Variants in DOCK9 observed in about 807,000 individuals in gnomAD.
DOCK9 encodes the protein dedicator of cytokinesis 9, also known as dedicator of cytokinesis protein 9.
A neutral mutation model predicts 263.3 loss-of-function variants in DOCK9; 89 were observed. That is an observed-to-expected ratio of 0.34 (90% confidence interval 0.28 to 0.40). The LOEUF is 0.40. DOCK9 is among the 10% of genes least tolerant of loss of function. DOCK9 has a pLI of 1.00. For missense variants in DOCK9, 2,140 were observed against 2,603.4 expected, an observed-to-expected ratio of 0.82 and a Z score of 3.87; for synonymous variants, 976 against 973.1, an observed-to-expected ratio of 1.00 and a Z score of -0.06.
At chr13:99,037,331 C>A (rs1324980) in intron 1 of DOCK9, among the ~76,000 whole-genome samples, 74,976 of 151,360 alleles carry the variant, frequency 0.5, 18,773 homozygotes, top group East Asian at 0.65. Flanking sequence ...AACATTTCGC[C>A]AAAAAAAATA....
intron 2 of DOCK9, among the ~76,000 whole-genome samples, chr13:98,937,019 AC>A (rs2054960981): frequency 6.6e-6 from 1 of 152,148 alleles, no homozygotes; most frequent in African/African-American, 2.4e-5. Context: ...ATTCTTTTCT[AC>A]TTTTCTATCA....
rs1246362399 is a variant in DOCK9, at chr13:98,855,991, C to T, written c.3738G>A (p.Val1246=). ...YTTSTPNINS[V]RNADSRGSLI... ...GAGATCCTCTCGAATCAGCATTTCT[C>T]ACACTGTTGATGTTTGGAGTTGAGG... Residue 1246 remains valine (V), a synonymous_variant, in exon 34 of 53, where the codon GTG becomes GTA. Transcript: ENST00000682017. 5 of 1,613,842 alleles carry T rather than the reference C, an allele frequency of 3.1e-6. No individual in the cohort carries two copies. In the South Asian group the frequency reaches 5.5e-5, roughly 18 times the overall value.
chr13:99,075,860 C>T (rs551184568), intron 1 of DOCK9, among the ~76,000 whole-genome samples: 5 of 152,016 alleles, frequency 3.3e-5, no homozygotes, highest in Admixed American at 3.3e-4. Flanking sequence ...AATGGAGACC[C>T]TGGGTAGTTC....
chr13:98,803,278 G>A lies in DOCK9; in HGVS notation c.5725+1721C>T, dbSNP rs143487882. On this transcript the variant is annotated intron_variant, in intron 49 of 52. Coordinates refer to ENST00000682017, the MANE Select transcript of DOCK9 (RefSeq NM_001366683.2). ...GTAGTCTCTAACAAAATGATGACCT[G>A]TAACCCTGGAGAAATGTGCCCTGGG... 3.2e-3 allele frequency among the ~76,000 whole-genome samples: 485 copies of A among 152,320 alleles called. 3 individuals are homozygous for A. Among genetic ancestry groups the A allele is most frequent in the Middle Eastern group, 0.017 (5 of 294 alleles).
chr13:98,809,462 G>A lies in DOCK9; in HGVS notation c.5257C>T (p.Leu1753=), dbSNP rs1247858620. 1 of 1,595,654 alleles carries A rather than the reference G, an allele frequency of 6.3e-7. No individual in the cohort carries two copies. The highest frequency in any genetic ancestry group is 1.8e-5 in the Admixed American group (1 of 55,040). The part of the protein sequence containing the change: ...IYEKRRDFER[L]AHLYDTLHRA... ...TGCAGCGTGTCATACAGATGGGCCAGCCTCTGGAAAGCAGAACAAAGCCCA... is the reference window on the plus strand; with the variant it reads ...TGCAGCGTGTCATACAGATGGGCCAACCTCTGGAAAGCAGAACAAAGCCCA... Residue 1753 remains leucine, a synonymous_variant, in exon 47 of 53, where the codon CTG becomes TTG. Coordinates refer to ENST00000682017, the MANE Select transcript of DOCK9 (RefSeq NM_001366683.2).
intron 10 of DOCK9, among the ~76,000 whole-genome samples, chr13:98,903,505 C>T (rs1389530521): frequency 6.8e-6 from 1 of 147,568 alleles, no homozygotes; most frequent in Admixed American, 7.0e-5. Context: ...GAGGCTGAGG[C>T]AGGAGAATGG....
chr13:98,803,894 G>C (rs1242583169), intron 49 of DOCK9, among the ~76,000 whole-genome samples: 1 of 150,874 alleles, frequency 6.6e-6, no homozygotes, highest in African/African-American at 2.4e-5. Context: ...AGTGTGAAAA[G>C]CTCCCTGCAA....
At chr13:98,969,401 A>G (rs2059505369) in intron 1 of DOCK9, among the ~76,000 whole-genome samples, 1 of 152,002 alleles carries the variant, frequency 6.6e-6, no homozygotes, top group African/African-American at 2.4e-5. Flanking sequence ...CCCTTTCGCA[A>G]CCTTTTTTTG....
intron 1 of DOCK9, among the ~76,000 whole-genome samples, chr13:98,985,755 T>C (rs1447175379): frequency 6.6e-6 from 1 of 152,226 alleles, no homozygotes; most frequent in Non-Finnish European, 1.5e-5. Context: ...CTCAATCTTG[T>C]TTCGCGTGAT....
chr13:98,810,148 A>G, intron 46 of DOCK9, 21 bp downstream of exon 46: 1 of 1,613,794 alleles, frequency 6.2e-7, no homozygotes. Flanking sequence ...ATAGGAAAAA[A>G]ACAAAAAGGC....
At position 98,885,672 on chromosome 13, in the gene DOCK9, T is replaced by A. The variant is rs1254144058; in HGVS notation, c.2260+36A>T. On this transcript the variant is annotated intron_variant, in intron 20 of 52. Transcript: ENST00000682017. ...ACAATTTAAGAACCTAATGTTTCAATTATTTAAAATCAAAGGAATGGTAAG... is the reference window on the plus strand; with the variant it reads ...ACAATTTAAGAACCTAATGTTTCAAATATTTAAAATCAAAGGAATGGTAAG... The A allele has an allele frequency of 2.5e-6, 4 of 1,569,034 alleles. No individual in the cohort carries two copies. The East Asian group carries it at 9.0e-5, about 35-fold the overall frequency.
At chr13:98,946,161 G>A (rs575208418) in intron 2 of DOCK9, among the ~76,000 whole-genome samples, 1 of 152,302 alleles carries the variant, frequency 6.6e-6, no homozygotes, top group South Asian at 2.1e-4. Context: ...TTGGGCCACT[G>A]TAAGGCCTTT....
chr13:98,994,961 C>A (rs1880661123), intron 1 of DOCK9, among the ~76,000 whole-genome samples: 1 of 152,060 alleles, frequency 6.6e-6, no homozygotes. Context: ...GTGAAAAATT[C>A]TAAGTTCGTG....
Position 98,884,976 on chromosome 13 carries a change from C to T in DOCK9, c.2377G>A (p.Gly793Ser). The change falls in exon 21 of 53, where the codon GGC becomes AGC. Residue 793 changes from glycine to serine, a missense_variant. Physicochemically the swap from Gly to Ser is moderately conservative, Grantham distance 56. Around this residue, in one of 2 missense-constraint regions of DOCK9, gnomAD observed 1,521 missense variants for 1,741.7 expected, o/e 0.87. Transcript: ENST00000682017. ...GYLGYQELGMGRHYGPEIKWV... is the reference protein window; with the variant it reads ...GYLGYQELGMSRHYGPEIKWV... ...AATCTTAAAATGGGACATACCCTGC[C>T]CATCCCAAGCTCCTGGTAGCCAAGA... 1 of 1,613,122 alleles carries T rather than the reference C, an allele frequency of 6.2e-7. No homozygotes were observed. The highest frequency in any genetic ancestry group is 1.3e-5 in the African/African-American group (1 of 74,986).
intron 3 of DOCK9, among the ~76,000 whole-genome samples, chr13:98,928,979 T>G (rs1351770821): frequency 5.3e-5 from 8 of 152,128 alleles, no homozygotes; most frequent in African/African-American, 1.4e-4. Context: ...TTCAAAAATC[T>G]CAATGGAAAT....
intron 21 of DOCK9, 28 bp downstream of exon 21, chr13:98,884,943 G>A (rs775446312): frequency 6.9e-6 from 11 of 1,602,118 alleles, no homozygotes; most frequent in Non-Finnish European, 8.5e-6. Flanking sequence ...AAGAAATTGG[G>A]ATGACCCAAT....
intron 1 of DOCK9, among the ~76,000 whole-genome samples, chr13:99,023,309 G>T (rs1444882921): frequency 6.6e-6 from 1 of 152,220 alleles, no homozygotes; most frequent in Admixed American, 6.5e-5. Flanking sequence ...GCCTTAAAAT[G>T]CAAGAAATTT....
chr13:98,807,084 C>T (rs973214376), intron 48 of DOCK9, among the ~76,000 whole-genome samples: 7 of 152,154 alleles, frequency 4.6e-5, no homozygotes, highest in Non-Finnish European at 8.8e-5. Context: ...GAGACCTGAC[C>T]TCCTGGAGAT....
intron 15 of DOCK9, among the ~76,000 whole-genome samples, chr13:98,892,642 T>C (rs1314350907): frequency 6.6e-6 from 1 of 152,192 alleles, no homozygotes; most frequent in East Asian, 1.9e-4. Flanking sequence ...CTCAGGACCA[T>C]GGAGGAATGC....
Sources: allele counts gnomAD v4.1 joint callset (sites outside exome capture counted in the v4.1 genomes callset), GRCh38; gene constraint gnomAD v4.1.1; regional missense constraint gnomAD v4.1.1; transcripts MANE v1.5; gene names NCBI Gene and HGNC (gene_info 2026-07-23, HGNC 2026-07-21).